The following KIF1B variants were observed in gnomAD, a reference collection of about 807,000 sequenced individuals.
KIF1B encodes the protein kinesin-like protein KIF1B.
In KIF1B, 76 loss-of-function variants were observed where a neutral mutation model predicts 241.9. That is an observed-to-expected ratio of 0.31 (90% CI 0.26 to 0.38). The LOEUF (loss-of-function observed/expected upper bound fraction) is 0.38, where lower values mean the gene tolerates loss of function less well. KIF1B is among the 10% of genes least tolerant of loss of function. The probability of loss-of-function intolerance (pLI) is 1.00; values close to 1 mark genes in which losing one functional copy is unlikely to be tolerated. For synonymous variants in KIF1B, 750 were observed against 796.7 expected (o/e 0.94, Z 0.99); for missense variants, 1,622 against 2,271.4 (o/e 0.71, Z 5.81).
chr1:10,256,174 A>G, intron 2 of KIF1B, 73 bp from the exon 3 acceptor site: 4 of 941,386 alleles, frequency 4.2e-6, no homozygotes, highest in Non-Finnish European at 5.3e-6. Flanking sequence ...TGTTTTGAAC[A>G]CACAGAATAA....
chr1:10,238,093 C>T (rs1463392488), intron 2 of KIF1B, among the ~76,000 whole-genome samples: 1 of 151,646 alleles, frequency 6.6e-6, no homozygotes, highest in Non-Finnish European at 1.5e-5. Context: ...GAAAGTAATG[C>T]ATTTAGGCTG....
chr1:10,357,649 C>A (rs529072421), intron 38 of KIF1B, among the ~76,000 whole-genome samples: 1 of 152,306 alleles, frequency 6.6e-6, no homozygotes, highest in South Asian at 2.1e-4. Context: ...GGGAAGATCA[C>A]TTGAGCCCAG....
intron 40 of KIF1B, 29 bp downstream of exon 40, chr1:10,361,854 G>T (rs1316527731): frequency 1.2e-6 from 2 of 1,611,648 alleles, no homozygotes; most frequent in Non-Finnish European, 1.7e-6. Flanking sequence ...TTAGCTTCCA[G>T]TGTGTTTGTT....
At chr1:10,217,563 T>G (rs1247941337) in intron 1 of KIF1B, among the ~76,000 whole-genome samples, 1 of 152,064 alleles carries the variant, frequency 6.6e-6, no homozygotes, top group African/African-American at 2.4e-5. Flanking sequence ...GTGATCCACC[T>G]GCCTCAGCCT....
chr1:10,242,462 T>G (rs1043273450), intron 2 of KIF1B, among the ~76,000 whole-genome samples: 1 of 152,212 alleles, frequency 6.6e-6, no homozygotes, highest in African/African-American at 2.4e-5. Flanking sequence ...TTTGTGGATC[T>G]AAACATATCT....
intron 36 of KIF1B, among the ~76,000 whole-genome samples, chr1:10,348,188 G>A (rs1412638621): frequency 6.6e-6 from 1 of 152,148 alleles, no homozygotes; most frequent in South Asian, 2.1e-4. Flanking sequence ...GAGGATGAAG[G>A]TTTCAATGGA....
chr1:10,320,164 G>T, intron 23 of KIF1B, 28 bp downstream of exon 23: 1 of 1,459,512 alleles, frequency 6.9e-7, no homozygotes. Context: ...AAAGTTTCCT[G>T]TGTATATCTT....
chr1:10,364,855 A>G (rs1277384691), intron 41 of KIF1B, among the ~76,000 whole-genome samples: 1 of 151,632 alleles, frequency 6.6e-6, no homozygotes, highest in Non-Finnish European at 1.5e-5. Flanking sequence ...AAATACAAAA[A>G]ATTAGCTGGG....
chr1:10,337,671 T>G lies in KIF1B; in HGVS notation c.3422+138T>G, dbSNP rs1205420243. On this transcript the variant is annotated intron_variant, in intron 31 of 48. Transcript: ENST00000676179. The surrounding 1 kb of genome is among the most constrained non-coding windows in gnomAD (Gnocchi z 4.0). ...TGATCAGTCTCTGAAGGAAAATACT[T>G]TCATCACTCCTATGGGAGTGAGAAC... The G allele has an allele frequency of 7.1e-6, 7 of 988,956 alleles. No individual in the cohort carries two copies. The highest frequency in any genetic ancestry group is 1.1e-5 in the Non-Finnish European group (7 of 653,018). The allele number at this position is 988,956 out of a possible 1,614,324, so 61.3% of individuals were successfully genotyped here. A position where few individuals can be genotyped will look rare whatever the true frequency, so the allele number is the denominator to read the frequency against.
At chr1:10,227,128 CG>C (rs1169884085) in intron 1 of KIF1B, among the ~76,000 whole-genome samples, 1 of 149,576 alleles carries the variant, frequency 6.7e-6, no homozygotes, top group Non-Finnish European at 1.5e-5. Flanking sequence ...CTCTGCCTCC[CG>C]GGTTCAAACA....
At chr1:10,252,782 T>C (rs1311328380) in intron 2 of KIF1B, among the ~76,000 whole-genome samples, 2 of 151,900 alleles carry the variant, frequency 1.3e-5, no homozygotes, top group African/African-American at 4.8e-5. Flanking sequence ...TACAGTGGTG[T>C]GATCTTGGCT....
chr1:10,371,945 TAAA>T (rs1010944790), intron 45 of KIF1B, among the ~76,000 whole-genome samples: 1 of 151,388 alleles, frequency 6.6e-6, no homozygotes, highest in Non-Finnish European at 1.5e-5. Context: ...CTAAAAAAAA[TAAA>T]AAAAAGACAA....
intron 22 of KIF1B, among the ~76,000 whole-genome samples, chr1:10,313,168 C>T (rs774056187): frequency 2.6e-5 from 4 of 151,328 alleles, no homozygotes; most frequent in East Asian, 1.9e-4. Context: ...CTGGTTCAAG[C>T]GATTCTTGTG....
chr1:10,281,139 G>A lies in KIF1B; in HGVS notation c.1223-1183G>A, dbSNP rs139484871. Among the ~76,000 whole-genome samples, 78 of 152,276 alleles carry A rather than the reference G, an allele frequency of 5.1e-4. 4 individuals carry two copies. The East Asian group carries it at 0.013, about 26-fold the overall frequency. On this transcript the variant is annotated intron_variant, in intron 14 of 48. Coordinates refer to ENST00000676179, the MANE Select transcript of KIF1B (RefSeq NM_001365951.3). Reference sequence around the variant, plus strand: ...TTAAAAAACTGGCTTTAATTAAATAGTAGAGATGAGTAAGCCCAGGGAGAA... The same window carrying A: ...TTAAAAAACTGGCTTTAATTAAATAATAGAGATGAGTAAGCCCAGGGAGAA...
At chr1:10,307,985 C>A in intron 22 of KIF1B, 2 of 1,055,732 alleles carry the variant, frequency 1.9e-6, no homozygotes, top group Non-Finnish European at 2.3e-6. Context: ...ATTGAAGTGA[C>A]TTGAAGTGAC....
intron 14 of KIF1B, among the ~76,000 whole-genome samples, chr1:10,279,653 A>G (rs1355004526): frequency 6.8e-6 from 1 of 147,658 alleles, no homozygotes; most frequent in Non-Finnish European, 1.5e-5. Context: ...TTTCTCCATA[A>G]CTTGGGCCTC....
Position 10,303,078 on chromosome 1 carries a change from T to C in KIF1B, c.2115+5832T>C, listed in dbSNP as rs1347722529. ...TTAAATTTGGTTAAGGCTTTTTTGCTTGCTTTTTCTTCGATTTAATTTTCC... is the reference window on the plus strand; with the variant it reads ...TTAAATTTGGTTAAGGCTTTTTTGCCTGCTTTTTCTTCGATTTAATTTTCC... On this transcript the variant is annotated intron_variant, in intron 22 of 48. Coordinates refer to ENST00000676179, the MANE Select transcript of KIF1B (RefSeq NM_001365951.3). The surrounding 1 kb of genome is among the most constrained non-coding windows in gnomAD (Gnocchi z 5.2). 6.7e-7 allele frequency: 1 copy of C among 1,494,988 alleles called. No homozygotes were observed. Among genetic ancestry groups the C allele is most frequent in the Non-Finnish European group, 9.0e-7 (1 of 1,113,712 alleles). The allele number at this position is 1,494,988 out of a possible 1,614,324, so 92.6% of individuals were successfully genotyped here. A position where few individuals can be genotyped will look rare whatever the true frequency, so the allele number is the denominator to read the frequency against.
chr1:10,327,271 G>A (rs1335436443), intron 27 of KIF1B, among the ~76,000 whole-genome samples: 4 of 152,000 alleles, frequency 2.6e-5, no homozygotes, highest in Admixed American at 6.6e-5. Flanking sequence ...AGGCCAAGGC[G>A]GCCGGGTCAC....
At chr1:10,316,233 CA>C (rs200844995) in intron 22 of KIF1B, among the ~76,000 whole-genome samples, 3 of 150,250 alleles carry the variant, frequency 2.0e-5, no homozygotes, top group South Asian at 2.1e-4. Flanking sequence ...ACCCTTTCTC[CA>C]AAAAAAAGGA....
Sources: gnomAD v4.1 joint callset for allele counts (sites outside exome capture counted in the v4.1 genomes callset) on GRCh38, gnomAD v4.1.1 for gene constraint, Gnocchi (gnomAD v3.1) non-coding constraint, MANE v1.5 for transcripts, NCBI Gene and HGNC (gene_info 2026-07-23, HGNC 2026-07-21) for gene names.